Variants in OLFML1 observed in about 807,000 individuals in gnomAD.
OLFML1 encodes the protein olfactomedin like 1.
In OLFML1, 33 loss-of-function variants were observed where a neutral mutation model predicts 37.3. The ratio of observed to expected loss-of-function variants is 0.88; its 90% CI spans 0.67 to 1.18. OLFML1 has a LOEUF of 1.18. OLFML1 is among the 50% of genes most tolerant of loss of function. The pLI is 0.00. For missense variants in OLFML1, 545 were observed against 483.7 expected, an observed-to-expected ratio of 1.13 and a Z score of -1.19; for synonymous variants, 186 against 181.3, an observed-to-expected ratio of 1.03 and a Z score of -0.21.
rs12803046 is a variant in OLFML1, at chr11:7,509,754, G to A, written c.775G>A (p.Ala259Thr). ...RMLLPGGVGR[A>T]LVYQHSPSTY... ...GCTGCTCCCAGGAGGGGTAGGCCGA[G>A]CATTGGTTTACCAGCACTCCCCCTC... The change falls in exon 3 of 3, where the codon GCA (alanine) becomes ACA (threonine). Residue 259 changes from alanine to threonine, a missense_variant. Transcript: ENST00000329293. 0.027 allele frequency: 43,585 copies of A among 1,614,228 alleles called. 742 individuals carry two copies. The highest frequency in any genetic ancestry group is 0.03 in the Non-Finnish European group (35,861 of 1,180,020).
intron 2 of OLFML1, among the ~76,000 whole-genome samples, chr11:7,489,394 T>A (rs1848568533): frequency 1.3e-5 from 2 of 152,044 alleles, no homozygotes; most frequent in African/African-American, 4.8e-5. Flanking sequence ...CTGTAGCACC[T>A]TGACATGTAG....
intron 2 of OLFML1, among the ~76,000 whole-genome samples, chr11:7,506,177 ATTG>A (rs563457724): frequency 1.1e-3 from 163 of 152,312 alleles, no homozygotes; most frequent in African/African-American, 3.6e-3. Flanking sequence ...TTGAAGGTGA[ATTG>A]TTGTTGTTGT....
At chr11:7,493,189 A>C (rs1472548654) in intron 2 of OLFML1, among the ~76,000 whole-genome samples, 1 of 152,198 alleles carries the variant, frequency 6.6e-6, no homozygotes, top group Non-Finnish European at 1.5e-5. Flanking sequence ...AGTAACCTTC[A>C]CCCTGCCGAA....
At chr11:7,496,917 T>C (rs1848668950) in intron 2 of OLFML1, among the ~76,000 whole-genome samples, 1 of 152,056 alleles carries the variant, frequency 6.6e-6, no homozygotes, top group African/African-American at 2.4e-5. Context: ...TATCTGGGCA[T>C]GGTGGCATGT....
At chr11:7,502,920 A>T (rs1590062383) in intron 2 of OLFML1, among the ~76,000 whole-genome samples, 1 of 152,186 alleles carries the variant, frequency 6.6e-6, no homozygotes, top group Admixed American at 6.5e-5. Flanking sequence ...GTAACATTAT[A>T]ATTTAAAGAG....
In OLFML1 at chr11:7,488,378, T is replaced by C. The variant is rs1450744655; in HGVS notation, c.381T>C (p.Ala127=). ...KTLAEMLLQE[A]EEEKKIRTLL... The stretch of plus-strand genomic sequence containing the variant: ...TGGCAGAAATGTTGCTCCAAGAAGC[T>C]GAAGAAGAGAAAAAGATCCGGACTC... The change falls in exon 2 of 3, where the codon GCT becomes GCC. Residue 127 remains alanine (A), a synonymous_variant. Coordinates refer to ENST00000329293, the MANE Select transcript of OLFML1 (RefSeq NM_198474.4). The C allele has an allele frequency of 1.2e-6, 2 of 1,613,814 alleles. No homozygotes were observed. The highest frequency in any genetic ancestry group is 4.5e-5 in the East Asian group (2 of 44,880).
rs1848514214 is a variant in OLFML1, at chr11:7,485,875, G to T, written c.-1G>T. ...GACTGCCCTGCTTGGTGTTTTGCAG[G>T]ATGATGGTGGCCCTTCGAGGAGCTT... On this transcript the variant is annotated 5_prime_UTR_variant, in exon 1 of 3. Transcript: ENST00000329293. The T allele has an allele frequency of 6.2e-7, 1 of 1,613,058 alleles. No individual in the cohort carries two copies. The highest frequency in any genetic ancestry group is 8.5e-7 in the Non-Finnish European group (1 of 1,179,852).
chr11:7,507,620 C>G (rs1248287751), intron 2 of OLFML1, among the ~76,000 whole-genome samples: 2 of 151,240 alleles, frequency 1.3e-5, no homozygotes, highest in Non-Finnish European at 1.5e-5. Flanking sequence ...ATGATCTTGG[C>G]TCACTGCAAT....
rs1339150040 is a variant in OLFML1, at chr11:7,485,813, C to A, written c.-63C>A. 6 of 1,556,502 alleles carry A rather than the reference C, an allele frequency of 3.9e-6. No individual in the cohort carries two copies. The Admixed American group carries it at 8.6e-5, about 22-fold the overall frequency. ...ATAGAGCAGGAGAGCACCACCGGAG[C>A]CCTTGAGACATCCTTGAGAAGAGCC... On this transcript the variant is annotated 5_prime_UTR_variant, in exon 1 of 3. Coordinates refer to ENST00000329293, the MANE Select transcript of OLFML1 (RefSeq NM_198474.4).
chr11:7,489,631 T>A (rs1168192221), intron 2 of OLFML1, among the ~76,000 whole-genome samples: 1 of 152,056 alleles, frequency 6.6e-6, no homozygotes, highest in Non-Finnish European at 1.5e-5. Flanking sequence ...AATGCTGCAA[T>A]GATTTGGGCA....
chr11:7,485,755 A>G lies in OLFML1; in HGVS notation c.-121A>G. 9.7e-7 allele frequency: 1 copy of G among 1,034,392 alleles called. No individual in the cohort carries two copies. Among genetic ancestry groups the G allele is most frequent in the South Asian group, 1.6e-5 (1 of 64,312 alleles). 64.1% of individuals were successfully genotyped at this position (1,034,392 alleles called of 1,614,324 possible). The stretch of plus-strand genomic sequence containing the variant: ...CGGACTTTGCTCTCTGCTGTGCAAA[A>G]CGCTGTTTTTAGAGGATTTGCCACA... On this transcript the variant is annotated 5_prime_UTR_variant, in exon 1 of 3. Transcript: ENST00000329293.
chr11:7,507,757 T>C (rs919938739), intron 2 of OLFML1, among the ~76,000 whole-genome samples: 5 of 152,086 alleles, frequency 3.3e-5, no homozygotes, highest in African/African-American at 1.2e-4. Flanking sequence ...CCATGTTGGC[T>C]AGGATGGTCT....
chr11:7,494,357 A>C (rs1315390408), intron 2 of OLFML1, among the ~76,000 whole-genome samples: 1 of 152,236 alleles, frequency 6.6e-6, no homozygotes, highest in Non-Finnish European at 1.5e-5. Flanking sequence ...AATATTACTG[A>C]ATGCGTATTA....
chr11:7,492,964 T>C (rs1044611679), intron 2 of OLFML1, among the ~76,000 whole-genome samples: 1 of 152,204 alleles, frequency 6.6e-6, no homozygotes, highest in African/African-American at 2.4e-5. Context: ...TGGTGTCTGA[T>C]ACTCTTTGGA....
rs755256144 is a variant in OLFML1, at chr11:7,509,905, A to G, written c.926A>G (p.Asp309Gly). Residue 309 changes from aspartate (D) to glycine (G), a missense_variant, in exon 3 of 3, where the codon GAT becomes GGT. By Grantham distance (94) the Asp-to-Gly change is moderately conservative. Transcript: ENST00000329293. ...PGTLGVEHSW[D>G]TPCRSQDAEA... is the part of the protein sequence containing the mutation. ...ACACTGGGAGTGGAGCATTCATGGGATACCCCATGCAGAAGCCAGGATGCT... is the reference window on the plus strand; with the variant it reads ...ACACTGGGAGTGGAGCATTCATGGGGTACCCCATGCAGAAGCCAGGATGCT... 6.2e-7 allele frequency: 1 copy of G among 1,614,230 alleles called. No homozygotes were observed. Among genetic ancestry groups the G allele is most frequent in the Non-Finnish European group, 8.5e-7 (1 of 1,180,042 alleles).
At chr11:7,489,005 A>T (rs1848563654) in intron 2 of OLFML1, 1 of 152,254 alleles carries the variant, frequency 6.6e-6, no homozygotes, top group South Asian at 2.1e-4. Flanking sequence ...GGCAATAAAC[A>T]CACAAATGAC....
At chr11:7,495,971 T>C (rs999457305) in intron 2 of OLFML1, among the ~76,000 whole-genome samples, 1 of 152,244 alleles carries the variant, frequency 6.6e-6, no homozygotes, top group Non-Finnish European at 1.5e-5. Flanking sequence ...ATCAGTTATC[T>C]GTTGCCACAA....
chr11:7,489,400 T>C (rs1056278300), intron 2 of OLFML1, among the ~76,000 whole-genome samples: 1 of 152,012 alleles, frequency 6.6e-6, no homozygotes, highest in Non-Finnish European at 1.5e-5. Flanking sequence ...CACCTTGACA[T>C]GTAGACCCGC....
chr11:7,489,580 G>A (rs773751089), intron 2 of OLFML1, among the ~76,000 whole-genome samples: 1 of 152,002 alleles, frequency 6.6e-6, no homozygotes, highest in Non-Finnish European at 1.5e-5. Flanking sequence ...GGCATGATAC[G>A]AAGGAAGAGG....
Sources: gnomAD v4.1 joint callset for allele counts (sites outside exome capture counted in the v4.1 genomes callset) on GRCh38, gnomAD v4.1.1 for gene constraint, MANE v1.5 for transcripts, NCBI Gene and HGNC (gene_info 2026-07-23, HGNC 2026-07-21) for gene names.